The following KDM4B variants were observed in gnomAD, a reference collection of about 807,000 sequenced individuals.
KDM4B encodes lysine-specific demethylase 4B.
KDM4B carries 32 observed loss-of-function variants against 125.2 expected under a neutral mutation model. The observed-to-expected ratio is 0.26, with a 90% confidence interval of 0.19 to 0.34. The LOEUF is 0.34. KDM4B is among the 10% of genes least tolerant of loss of function. The pLI is 1.00. For synonymous variants in KDM4B, 721 were observed against 677.9 expected (o/e 1.06, Z -0.99); for missense variants, 1,190 against 1,577.7 (o/e 0.75, Z 4.16).
At chr19:5,057,923 C>A (rs565852571) in intron 6 of KDM4B, among the ~76,000 whole-genome samples, 2 of 152,206 alleles carry the variant, frequency 1.3e-5, no homozygotes, top group Admixed American at 1.3e-4. Context: ...ATGCGGGGAC[C>A]GAGGCCAGCA....
intron 2 of KDM4B, among the ~76,000 whole-genome samples, chr19:5,027,014 C>T (rs897642798): frequency 1.3e-5 from 2 of 152,222 alleles, no homozygotes; most frequent in Non-Finnish European, 2.9e-5. Context: ...ACGGGGCAGC[C>T]GAGGCCTCCT....
At chr19:5,099,553 A>G (rs2038891844) in intron 9 of KDM4B, among the ~76,000 whole-genome samples, 1 of 152,268 alleles carries the variant, frequency 6.6e-6, no homozygotes, top group South Asian at 2.1e-4. Context: ...AAAAGCCAAC[A>G]TGGCAGGTTA....
chr19:4,972,401 A>G (rs2034291952), intron 1 of KDM4B, among the ~76,000 whole-genome samples: 1 of 152,202 alleles, frequency 6.6e-6, no homozygotes, highest in South Asian at 2.1e-4. Flanking sequence ...GCAGGGTGCC[A>G]GGAGCTCTGA....
At chr19:5,143,234 G>A (rs1199940137) in intron 18 of KDM4B, among the ~76,000 whole-genome samples, 2 of 151,694 alleles carry the variant, frequency 1.3e-5, no homozygotes, top group African/African-American at 4.8e-5. Flanking sequence ...GAGGTGGGAG[G>A]ATTGCTTGAG....
chr19:5,012,775 G>A (rs1188930816), intron 1 of KDM4B, among the ~76,000 whole-genome samples: 1 of 152,238 alleles, frequency 6.6e-6, no homozygotes, highest in Admixed American at 6.5e-5. Context: ...GGTTGGAGCC[G>A]TGTGGCTGTT....
chr19:4,976,247 C>A (rs1192049819), intron 1 of KDM4B, among the ~76,000 whole-genome samples: 3 of 110,034 alleles, frequency 2.7e-5, no homozygotes, highest in African/African-American at 7.4e-5. Flanking sequence ...GAAACTCAGT[C>A]TCAAAAAAAA....
intron 2 of KDM4B, among the ~76,000 whole-genome samples, chr19:5,019,001 T>C (rs763489803): frequency 6.6e-6 from 1 of 152,232 alleles, no homozygotes; most frequent in Non-Finnish European, 1.5e-5. Context: ...TTGGGAGTCG[T>C]GCTGCTGTGG....
At position 5,051,687 on chromosome 19, in the gene KDM4B, G is replaced by A. The variant is rs1045992820; in HGVS notation, c.626+4018G>A. Among the ~76,000 whole-genome samples, 10 of 152,374 alleles carry A rather than the reference G, an allele frequency of 6.6e-5. No individual in the cohort carries two copies. The East Asian group carries it at 9.6e-4, about 15-fold the overall frequency. ...CTTAGGGAAGGGGGTGTCCCCCAGG[G>A]TCTCTGCAGCTCCGCTTGTCAGAAG... is the stretch of plus-strand genomic sequence containing the variant. On this transcript the variant is annotated intron_variant, in intron 6 of 22. Coordinates refer to ENST00000159111, the MANE Select transcript of KDM4B (RefSeq NM_015015.3).
intron 5 of KDM4B, among the ~76,000 whole-genome samples, chr19:5,044,697 A>G (rs577007331): frequency 6.6e-6 from 1 of 152,124 alleles, no homozygotes; most frequent in South Asian, 2.1e-4. Flanking sequence ...ACAGTGTCAC[A>G]TGGAGTCATC....
chr19:5,082,935 C>G lies in KDM4B; in HGVS notation c.918+431C>G, dbSNP rs1201047998. On this transcript the variant is annotated intron_variant, in intron 9 of 22. Coordinates refer to ENST00000159111, the MANE Select transcript of KDM4B (RefSeq NM_015015.3). The surrounding 1 kb of genome is among the most constrained non-coding windows in gnomAD (Gnocchi z 5.4). ...TTGCTGACATCTCTCTCCTGGGGGC[C>G]GCTTGGCCAGGCAGGAGCCCACTCA... Among the ~76,000 whole-genome samples the G allele has an allele frequency of 6.6e-6, 1 of 152,284 alleles. No individual in the cohort carries two copies. The highest frequency in any genetic ancestry group is 2.1e-4 in the South Asian group (1 of 4,824).
chr19:4,996,605 G>A (rs1200449605), intron 1 of KDM4B, among the ~76,000 whole-genome samples: 2 of 151,958 alleles, frequency 1.3e-5, no homozygotes, highest in East Asian at 1.9e-4. Flanking sequence ...TTATTTTGAA[G>A]CGTGTTGCTC....
At chr19:5,058,604 C>T (rs914130609) in intron 6 of KDM4B, among the ~76,000 whole-genome samples, 8 of 152,230 alleles carry the variant, frequency 5.3e-5, no homozygotes, top group African/African-American at 1.9e-4. Context: ...GCTCTGGACC[C>T]TGCAGGGGCT....
chr19:5,104,780 C>T (rs1010756908), intron 9 of KDM4B, among the ~76,000 whole-genome samples: 1 of 152,178 alleles, frequency 6.6e-6, no homozygotes, highest in African/African-American at 2.4e-5. Context: ...CTCCTCAGGC[C>T]GTGCCTCTTC....
intron 9 of KDM4B, among the ~76,000 whole-genome samples, chr19:5,107,569 G>A (rs1365601703): frequency 6.6e-6 from 1 of 152,164 alleles, no homozygotes; most frequent in African/African-American, 2.4e-5. Flanking sequence ...GGCTCCCTCC[G>A]GCCTGCTCTG....
intron 6 of KDM4B, among the ~76,000 whole-genome samples, chr19:5,053,694 C>T (rs1206614111): frequency 6.6e-6 from 1 of 152,252 alleles, no homozygotes; most frequent in Admixed American, 6.5e-5. Flanking sequence ...GGTGTCCCCT[C>T]TCTGCAGAAG....
Position 5,135,376 on chromosome 19 carries a change from T to C in KDM4B, c.2123T>C (p.Leu708Pro), listed in dbSNP as rs1173711013. The change falls in exon 15 of 23, where the codon CTC (leucine) becomes CCC (proline). Residue 708 changes from leucine to proline, a missense_variant. By Grantham distance (98) the Leu-to-Pro change is moderately conservative. Coordinates refer to ENST00000159111, the MANE Select transcript of KDM4B (RefSeq NM_015015.3). Reference sequence around the variant, plus strand: ...GAGAAGGAGGCACCCATAGCCTCCCTCGGAGAGGGCTGCCCGGCCACATTA... The same window carrying C: ...GAGAAGGAGGCACCCATAGCCTCCCCCGGAGAGGGCTGCCCGGCCACATTA... Reference protein sequence around the residue: ...QTEKEAPIASLGEGCPATLPS... With the variant: ...QTEKEAPIASPGEGCPATLPS... 1 of 1,613,434 alleles carries C rather than the reference T, an allele frequency of 6.2e-7. No homozygotes were observed. Among genetic ancestry groups the C allele is most frequent in the Non-Finnish European group, 8.5e-7 (1 of 1,179,940 alleles).
rs576774427 is a variant in KDM4B at position 5,016,060 on chromosome 19, C to T, written c.-108-197C>T. Reference sequence around the variant, plus strand: ...TTTTAGGAGCTAAGCTTAAAATGGGCCCTCATTGGAAAACTTGACTGGGTA... The same window carrying T: ...TTTTAGGAGCTAAGCTTAAAATGGGTCCTCATTGGAAAACTTGACTGGGTA... On this transcript the variant is annotated intron_variant, in intron 1 of 22. Coordinates refer to ENST00000159111, the MANE Select transcript of KDM4B (RefSeq NM_015015.3). Among the ~76,000 whole-genome samples, 26 of 152,246 alleles carry T rather than the reference C, an allele frequency of 1.7e-4. No homozygotes were observed. The South Asian group carries it at 4.6e-3, about 27-fold the overall frequency.
rs55641886 is a variant in KDM4B, at chr19:4,994,020, GTTTTTTTT to G, written c.-108-22222_-108-22215del. On this transcript the variant is annotated intron_variant, in intron 1 of 22. Transcript: ENST00000159111. ...CGTTTAATTTTTATATTTTCAGCCT[GTTTTTTTT>G]TTTTTTTTTTTTTTGTTATTGTTGT... Among the ~76,000 whole-genome samples, 40 of 66,678 alleles carry G rather than the reference GTTTTTTTT, an allele frequency of 6.0e-4. 2 individuals carry two copies. The highest frequency in any genetic ancestry group is 4.4e-3 in the Admixed American group (25 of 5,720). The allele number at this position is 66,678 out of a possible 152,430, so 43.7% of individuals were successfully genotyped here. A position where few individuals can be genotyped will look rare whatever the true frequency, so the allele number is the denominator to read the frequency against.
intron 9 of KDM4B, among the ~76,000 whole-genome samples, chr19:5,099,103 T>A (rs1240186099): frequency 1.3e-5 from 2 of 152,206 alleles, no homozygotes; most frequent in African/African-American, 4.8e-5. Context: ...CCAGTAGTGC[T>A]GGGCACACAC....
Sources: allele counts gnomAD v4.1 joint callset (sites outside exome capture counted in the v4.1 genomes callset), GRCh38; gene constraint gnomAD v4.1.1; non-coding constraint Gnocchi (gnomAD v3.1); transcripts MANE v1.5; gene names NCBI Gene and HGNC (gene_info 2026-07-23, HGNC 2026-07-21).